HOXA10: variants seen among roughly 807,000 people sequenced by gnomAD.
HOXA10 encodes homeobox protein Hox-A10.
HOXA10 carries 12 observed loss-of-function variants against 29.7 expected under a neutral mutation model. The observed-to-expected ratio is 0.40, with a 90% CI of 0.26 to 0.65. HOXA10 has a LOEUF of 0.65. HOXA10 is among the 30% of genes least tolerant of loss of function. The probability of loss-of-function intolerance (pLI) is 0.37; values close to 1 mark genes in which losing one functional copy is unlikely to be tolerated. For missense variants in HOXA10, 656 were observed against 585.9 expected (o/e 1.12, Z -1.24); for synonymous variants, 327 against 280.7 (o/e 1.16, Z -1.65).
chr7:27,173,940 G>T lies in HOXA10; in HGVS notation c.367C>A (p.Arg123=), dbSNP rs753388180. 1.8e-5 allele frequency: 27 copies of T among 1,524,594 alleles called. No homozygotes were observed. The highest frequency in any genetic ancestry group is 2.3e-5 in the Non-Finnish European group (26 of 1,138,624). The allele number at this position is 1,524,594 out of a possible 1,614,324, so 94.4% of individuals were successfully genotyped here. The part of the protein sequence containing the change: ...SPIDLWLDAP[R]SCRMEPPDGP... ...TCAGGCGGCTCCATCCGGCAAGACC[G>T]GGGCGCGTCTAGCCACAGGTCTATG... Residue 123 remains arginine (R), a synonymous_variant, in exon 1 of 2, where the codon CGG becomes AGG. Transcript: ENST00000283921.
At position 27,173,478 on chromosome 7, in the gene HOXA10, T is replaced by A; in HGVS notation, c.829A>T (p.Thr277Ser). ...CCCCCGCCGCTGCCGCAAGCCAGCG[T>A]GGGGGGCGGCGGCGAATCGAGGGCT... ...ERALDSPPPP[T>S]LACGSGGGSQ... The change falls in exon 1 of 2, where the codon ACG (threonine) becomes TCG (serine). Residue 277 changes from threonine to serine, a missense_variant. Coordinates refer to ENST00000283921, the MANE Select transcript of HOXA10 (RefSeq NM_018951.4). The A allele has an allele frequency of 6.4e-7, 1 of 1,564,732 alleles. No individual in the cohort carries two copies. The highest frequency in any genetic ancestry group is 2.4e-5 in the East Asian group (1 of 42,366).
chr7:27,172,593 C>T, intron 1 of HOXA10: 2 of 256,334 alleles, frequency 7.8e-6, no homozygotes, highest in Non-Finnish European at 1.5e-5. Context: ...GCTTGGCTGT[C>T]TCACCCCAGG....
chr7:27,172,268 T>C, intron 1 of HOXA10, 95 bp from the exon 2 acceptor site: 2 of 1,281,152 alleles, frequency 1.6e-6, no homozygotes, highest in Non-Finnish European at 1.1e-6. Flanking sequence ...ATAAGAGAGA[T>C]GTCCCAAGTC....
In HOXA10 at chr7:27,174,212, T is replaced by G; in HGVS notation, c.95A>C (p.Asp32Ala). 1 of 1,601,210 alleles carries G rather than the reference T, an allele frequency of 6.2e-7. No homozygotes were observed. The highest frequency in any genetic ancestry group is 8.5e-7 in the Non-Finnish European group (1 of 1,179,804). Residue 32 changes from aspartate (D) to alanine (A), a missense_variant, in exon 1 of 2, where the codon GAC (aspartate) becomes GCC (alanine). Transcript: ENST00000283921. Reference protein sequence around the residue: ...ESPAANSFLVDSLISSGRGEA... With the variant: ...ESPAANSFLVASLISSGRGEA... The stretch of plus-strand genomic sequence containing the variant: ...GCCTCTGCCCGAGCTGATGAGCGAG[T>G]CGACCAAAAAAGAGTTCGCGGCGGG...
At position 27,171,861 on chromosome 7, in the gene HOXA10, G is replaced by A. The variant is rs779907501; in HGVS notation, c.*38C>T. ...CTGAAGACAGAGGGAGGGGACCAGC[G>A]CTCGGGAAGTGAAAAAACCGCGTCG... On this transcript the variant is annotated 3_prime_UTR_variant, in exon 2 of 2. Transcript: ENST00000283921. The A allele has an allele frequency of 1.2e-6, 2 of 1,611,422 alleles. No homozygotes were observed. Among genetic ancestry groups the A allele is most frequent in the Non-Finnish European group, 1.7e-6 (2 of 1,177,746 alleles).
At chr7:27,177,226 G>T (rs1216442545), upstream of HOXA10, among the ~76,000 whole-genome samples, 1 of 152,220 alleles carries the variant, frequency 6.6e-6, no homozygotes, top group African/African-American at 2.4e-5. Context: ...TTGGCACTTG[G>T]GTCTTCAGTG....
intron 1 of HOXA10, chr7:27,173,049 G>T (rs962817280): frequency 1.6e-4 from 79 of 479,794 alleles, no homozygotes; most frequent in South Asian, 8.5e-4. Context: ...CAGGGCTCTG[G>T]GTCCTCCCGG....
In HOXA10 at chr7:27,174,243, C is replaced by G. The variant is rs758404063; in HGVS notation, c.64G>C (p.Glu22Gln). 6.3e-7 allele frequency: 1 copy of G among 1,599,730 alleles called. No homozygotes were observed. Among genetic ancestry groups the G allele is most frequent in the African/African-American group, 1.3e-5 (1 of 74,926 alleles). The change falls in exon 1 of 2, where the codon GAG becomes CAG. Residue 22 changes from glutamate (E) to glutamine (Q), a missense_variant. Glu to Gln is a conservative substitution (Grantham distance 29, BLOSUM62 2). This residue lies in a region of HOXA10 where 594 missense variants were observed against 491.9 expected (regional missense o/e 1.21). Transcript: ENST00000283921. ...AAAAAAGAGTTCGCGGCGGGGCTCT[C>G]CGAGCATGACATTGTTGTGGGATAA... ...PNYPTTMSCSESPAANSFLVD... is the reference protein window; with the variant it reads ...PNYPTTMSCSQSPAANSFLVD...
At chr7:27,179,310 C>CTT (rs10634973), upstream of HOXA10, among the ~76,000 whole-genome samples, 56,999 of 141,330 alleles carry the variant, frequency 0.4, 11,771 homozygotes, top group Admixed American at 0.49. Flanking sequence ...CCGCGATCAC[C>CTT]TTTTTTTTTT....
chr7:27,178,603 C>A (rs1408862746), upstream of HOXA10, among the ~76,000 whole-genome samples: 3 of 152,250 alleles, frequency 2.0e-5, no homozygotes, highest in African/African-American at 7.2e-5. Flanking sequence ...GAGCAGCTCA[C>A]TGGGTGGGCG....
chr7:27,173,831 A>T lies in HOXA10; in HGVS notation c.476T>A (p.Phe159Tyr). ...GCTCTCTTCTTTGATGTTCTGCGCGAAAGAGCACGAGGTGGCCTGCGGCGC... is the reference window on the plus strand; with the variant it reads ...GCTCTCTTCTTTGATGTTCTGCGCGTAAGAGCACGAGGTGGCCTGCGGCGC... ...QPAPQATSCS[F>Y]AQNIKEESSY... is the part of the protein sequence containing the mutation. Residue 159 changes from phenylalanine to tyrosine, a missense_variant, in exon 1 of 2, where the codon TTC becomes TAC. Phe to Tyr is a conservative substitution (Grantham distance 22). Coordinates refer to ENST00000283921, the MANE Select transcript of HOXA10 (RefSeq NM_018951.4). The T allele has an allele frequency of 6.2e-7, 1 of 1,610,858 alleles. No individual in the cohort carries two copies. Among genetic ancestry groups the T allele is most frequent in the South Asian group, 1.1e-5 (1 of 90,734 alleles).
At chr7:27,179,368 C>A (rs1053928827) in intron 1 of HOXA10, among the ~76,000 whole-genome samples, 1 of 149,006 alleles carries the variant, frequency 6.7e-6, no homozygotes, top group African/African-American at 2.5e-5. Flanking sequence ...GGAACACTTT[C>A]GCCTAGATGC....
At chr7:27,177,141 T>A (rs1562512607), upstream of HOXA10, among the ~76,000 whole-genome samples, 2 of 152,236 alleles carry the variant, frequency 1.3e-5, no homozygotes, top group Non-Finnish European at 2.9e-5. Flanking sequence ...TTGTATCGCA[T>A]CTGCTACAAA....
rs1237193816 is a variant in HOXA10, at chr7:27,179,613, C to A, written c.10+33G>T. ...GGCCACCTCCCCACTCCCGCCCCAC[C>A]AGACTGAAATTGCTAAACTTGTGGC... On this transcript the variant is annotated intron_variant, in intron 1 of 1. Transcript: ENST00000396344. 11 of 775,452 alleles carry A rather than the reference C, an allele frequency of 1.4e-5. No homozygotes were observed. In the East Asian group the frequency reaches 2.7e-4, roughly 19 times the overall value. 48.0% of individuals were successfully genotyped at this position (775,452 alleles called of 1,614,324 possible).
chr7:27,173,751 C>G lies in HOXA10; in HGVS notation c.556G>C (p.Ala186Pro). The G allele has an allele frequency of 6.2e-7, 1 of 1,602,544 alleles. No individual in the cohort carries two copies. The highest frequency in any genetic ancestry group is 1.3e-5 in the African/African-American group (1 of 74,744). ...DKCPKVSATAAELAPFPRGPP... is the reference protein window; with the variant it reads ...DKCPKVSATAPELAPFPRGPP... ...CCCCGCGGGAAGGGAGCCAGTTCGG[C>G]GGCGGTGGCCGAGACTTTGGGGCAT... Residue 186 changes from alanine (A) to proline (P), a missense_variant, in exon 1 of 2, where the codon GCC (alanine) becomes CCC (proline). Transcript: ENST00000283921.
In HOXA10 at chr7:27,179,557, G is replaced by A. The variant is rs952633090; in HGVS notation, c.10+89C>T. The A allele has an allele frequency of 6.4e-5, 47 of 732,428 alleles. No homozygotes were observed. The Admixed American group carries it at 8.2e-4, about 13-fold the overall frequency. 45.4% of individuals were successfully genotyped at this position (732,428 alleles called of 1,614,324 possible). A position where few individuals can be genotyped will look rare whatever the true frequency, so the allele number is the denominator to read the frequency against. The stretch of plus-strand genomic sequence containing the variant: ...CCTACCGCGTCACCCCACAAACCCA[G>A]CCACGTTCCCGAGAGCCCTGCTTAG... On this transcript the variant is annotated intron_variant, in intron 1 of 1. Coordinates refer to the HOXA10 transcript ENST00000396344.
chr7:27,178,227 A>G (rs1317427180), upstream of HOXA10, among the ~76,000 whole-genome samples: 2 of 152,192 alleles, frequency 1.3e-5, no homozygotes, highest in Non-Finnish European at 2.9e-5. Context: ...GCTTTTACAT[A>G]TCTGGCTTTA....
upstream of HOXA10, among the ~76,000 whole-genome samples, chr7:27,175,756 C>T (rs1783643467): frequency 6.6e-6 from 1 of 152,228 alleles, no homozygotes; most frequent in Non-Finnish European, 1.5e-5. Context: ...CCCCTCCGGC[C>T]CCAGTCGGAG....
At chr7:27,178,612 C>G (rs758309075), upstream of HOXA10, among the ~76,000 whole-genome samples, 1 of 152,186 alleles carries the variant, frequency 6.6e-6, no homozygotes, top group Non-Finnish European at 1.5e-5. Flanking sequence ...ACTGGGTGGG[C>G]GCTCATTTCT....
Sources: allele counts gnomAD v4.1 joint callset (sites outside exome capture counted in the v4.1 genomes callset), GRCh38; gene constraint gnomAD v4.1.1; regional missense constraint gnomAD v4.1.1; transcripts MANE v1.5; gene names NCBI Gene and HGNC (gene_info 2026-07-23, HGNC 2026-07-21).